Variants in FARS2 observed in about 807,000 individuals in gnomAD.
The protein encoded by FARS2 is phenylalanine--tRNA ligase, mitochondrial.
In FARS2, 40 loss-of-function variants were observed where a neutral mutation model predicts 46.4. That is an observed-to-expected ratio of 0.86 (90% CI 0.67 to 1.12). FARS2 has a LOEUF of 1.12. Among genes scored for constraint, FARS2 ranks in the 50% most tolerant of loss-of-function variants. The pLI is 0.00. For missense variants in FARS2, 513 were observed against 567.9 expected (o/e 0.90, Z 0.98); for synonymous variants, 234 against 214.9 (o/e 1.09, Z -0.78).
At chr6:5,690,029 T>G (rs1257024061) in intron 6 of FARS2, among the ~76,000 whole-genome samples, 1 of 152,196 alleles carries the variant, frequency 6.6e-6, no homozygotes, top group African/African-American at 2.4e-5. Flanking sequence ...ACCTCTGCCT[T>G]TTTTTATTTT....
chr6:5,729,859 A>G (rs1193563627), intron 6 of FARS2, among the ~76,000 whole-genome samples: 1 of 152,218 alleles, frequency 6.6e-6, no homozygotes, highest in Admixed American at 6.5e-5. Flanking sequence ...TGAAAACTCT[A>G]TGGACATTTT....
chr6:5,335,245 A>G (rs377030073), intron 1 of FARS2, among the ~76,000 whole-genome samples: 48 of 152,298 alleles, frequency 3.2e-4, no homozygotes, highest in African/African-American at 8.9e-4. Flanking sequence ...ATCCGTTTCA[A>G]TTCTGCTCCC....
chr6:5,614,405 C>CGTCTTTTTTTTTTTTTTTTTTTTT (rs1561753252), intron 6 of FARS2, among the ~76,000 whole-genome samples: 2 of 147,356 alleles, frequency 1.4e-5, no homozygotes, highest in African/African-American at 5.2e-5. Flanking sequence ...CTGTTTCCTT[C>CGTCTTTTTTTTTTTTTTTTTTTTT]TTTGTCTTTT....
intron 3 of FARS2, among the ~76,000 whole-genome samples, chr6:5,424,912 G>A (rs1378069340): frequency 1.3e-5 from 2 of 152,160 alleles, no homozygotes; most frequent in East Asian, 1.9e-4. Context: ...TGACAGTGGC[G>A]GCTGCACGAT....
At chr6:5,680,739 CTT>C (rs11441342) in intron 6 of FARS2, among the ~76,000 whole-genome samples, 24 of 143,286 alleles carry the variant, frequency 1.7e-4, no homozygotes, top group Admixed American at 2.1e-4. Context: ...CAGACGTTGT[CTT>C]TTTTTTTTTT....
intron 4 of FARS2, among the ~76,000 whole-genome samples, chr6:5,437,566 C>T (rs1056756577): frequency 9.2e-5 from 14 of 152,140 alleles, no homozygotes; most frequent in African/African-American, 2.4e-4. Flanking sequence ...TATGTTTTCA[C>T]GAGGAATTGT....
intron 1 of FARS2, among the ~76,000 whole-genome samples, chr6:5,295,420 A>G (rs1767787225): frequency 6.6e-6 from 1 of 152,158 alleles, no homozygotes; most frequent in Non-Finnish European, 1.5e-5. Flanking sequence ...TTGAGTCAAA[A>G]GGGCTAAAAT....
chr6:5,613,733 C>G (rs1188116882), intron 6 of FARS2, among the ~76,000 whole-genome samples: 1 of 152,134 alleles, frequency 6.6e-6, no homozygotes, highest in Admixed American at 6.5e-5. Context: ...ATATTACGTC[C>G]TAGGAATTAA....
chr6:5,662,870 CAT>C (rs1777914216), intron 6 of FARS2, among the ~76,000 whole-genome samples: 1 of 152,134 alleles, frequency 6.6e-6, no homozygotes, highest in Admixed American at 6.5e-5. Flanking sequence ...ATAAAGCAGA[CAT>C]AATACTCCCA....
At chr6:5,312,863 G>A (rs981674772) in intron 1 of FARS2, among the ~76,000 whole-genome samples, 1 of 152,146 alleles carries the variant, frequency 6.6e-6, no homozygotes, top group Non-Finnish European at 1.5e-5. Flanking sequence ...TTGTGGTGAC[G>A]GTGGACACGT....
chr6:5,544,248 C>T (rs1272568533), intron 4 of FARS2, among the ~76,000 whole-genome samples: 1 of 152,184 alleles, frequency 6.6e-6, no homozygotes, highest in Non-Finnish European at 1.5e-5. Flanking sequence ...AGATGGAGTC[C>T]TAGATAAAAA....
rs147336751 is a variant in FARS2 at position 5,501,838 on chromosome 6, A to C, written c.905-43342A>C. Among the ~76,000 whole-genome samples the C allele has an allele frequency of 1.5e-3, 233 of 152,308 alleles. 3 individuals are homozygous for C. Among genetic ancestry groups the C allele is most frequent in the African/African-American group, 5.3e-3 (222 of 41,572 alleles). ...ATAAAGTATCATTACGGGTTGCATT[A>C]AAATATGCCAGAATGGGCTTGATAG... On this transcript the variant is annotated intron_variant, in intron 4 of 6. Coordinates refer to ENST00000274680, the MANE Select transcript of FARS2 (RefSeq NM_006567.5).
intron 4 of FARS2, among the ~76,000 whole-genome samples, chr6:5,528,664 C>T (rs546896095): frequency 6.6e-6 from 1 of 152,272 alleles, no homozygotes; most frequent in East Asian, 1.9e-4. Flanking sequence ...TTTGGAAAAG[C>T]CAGGCACTTA....
intron 6 of FARS2, among the ~76,000 whole-genome samples, chr6:5,614,951 A>G (rs2150678664): frequency 6.6e-6 from 1 of 152,304 alleles, no homozygotes; most frequent in African/African-American, 2.4e-5. Context: ...GGATCTTGTA[A>G]GTGCTGCTCG....
At chr6:5,378,894 T>C (rs1300295633) in intron 2 of FARS2, among the ~76,000 whole-genome samples, 1 of 152,234 alleles carries the variant, frequency 6.6e-6, no homozygotes, top group African/African-American at 2.4e-5. Flanking sequence ...ATTTGGGAAA[T>C]ACCCCATTAT....
At chr6:5,588,431 A>G (rs1230789515) in intron 5 of FARS2, among the ~76,000 whole-genome samples, 9 of 152,298 alleles carry the variant, frequency 5.9e-5, no homozygotes, top group Admixed American at 5.2e-4. Flanking sequence ...TCAGATTAAA[A>G]CACAAAGCAG....
intron 6 of FARS2, among the ~76,000 whole-genome samples, chr6:5,715,168 G>C (rs1385357192): frequency 6.6e-6 from 1 of 152,014 alleles, no homozygotes; most frequent in African/African-American, 2.4e-5. Flanking sequence ...AGGGAACTAG[G>C]GTTCAGACTG....
intron 6 of FARS2, among the ~76,000 whole-genome samples, chr6:5,694,153 G>A (rs1757951417): frequency 6.6e-6 from 1 of 152,156 alleles, no homozygotes; most frequent in Admixed American, 6.5e-5. Flanking sequence ...TGAGTTCTCT[G>A]GTGAAAACAC....
intron 6 of FARS2, among the ~76,000 whole-genome samples, chr6:5,671,272 G>A (rs865869454): frequency 2.6e-5 from 4 of 152,332 alleles, no homozygotes; most frequent in Middle Eastern, 3.4e-3. Context: ...CTTCATGGCC[G>A]AGCTTTCAGA....
Sources: gnomAD v4.1 joint callset for allele counts (sites outside exome capture counted in the v4.1 genomes callset) on GRCh38, gnomAD v4.1.1 for gene constraint, MANE v1.5 for transcripts, NCBI Gene and HGNC (gene_info 2026-07-23, HGNC 2026-07-21) for gene names.